SLC27A4: variants seen among roughly 807,000 people sequenced by gnomAD.
SLC27A4 encodes long-chain fatty acid transport protein 4.
In SLC27A4, 33 loss-of-function variants were observed where a neutral mutation model predicts 64.4. That is an observed-to-expected ratio of 0.51 (90% CI 0.39 to 0.68). The LOEUF is 0.68. Ranked by LOEUF, SLC27A4 falls within the 30% of genes least tolerant of loss-of-function variation. The pLI, the probability that SLC27A4 is intolerant of heterozygous loss-of-function variation, is 0.00. For missense variants in SLC27A4, 824 were observed against 883.5 expected (o/e 0.93, Z 0.85); for synonymous variants, 377 against 370.0 (o/e 1.02, Z -0.22).
chr9:128,341,989 G>T (rs903295419), intron 1 of SLC27A4, among the ~76,000 whole-genome samples: 1 of 151,924 alleles, frequency 6.6e-6, no homozygotes, highest in African/African-American at 2.4e-5. Context: ...CGCCTGCCTC[G>T]GCCTCCCAAA....
intron 3 of SLC27A4, among the ~76,000 whole-genome samples, chr9:128,346,878 A>T (rs1832665249): frequency 6.6e-6 from 1 of 151,818 alleles, no homozygotes; most frequent in African/African-American, 2.4e-5. Context: ...GGTGGTGCGC[A>T]CCTGTAGTCC....
Position 128,355,183 on chromosome 9 carries a change from C to A in SLC27A4, c.1455C>A (p.Tyr485Ter), listed in dbSNP as rs748188422. ...TCTTCAAGAAGGGGGACCAGGCCTACCTTACTGGTGGGTCCCCAGCCCTTC... is the reference window on the plus strand; with the variant it reads ...TCTTCAAGAAGGGGGACCAGGCCTAACTTACTGGTGGGTCCCCAGCCCTTC... Reference protein sequence around the residue: ...KDVFKKGDQAYLTGDVLVMDE... With the variant: ...KDVFKKGDQA Residue 485 changes from tyrosine (Y) to a stop codon, truncating the protein, a stop_gained, in exon 10 of 13, where the codon TAC becomes TAA. Transcript: ENST00000300456. LOFTEE classifies it high-confidence loss of function. 1 of 1,613,596 alleles carries A rather than the reference C, an allele frequency of 6.2e-7. No individual in the cohort carries two copies. The highest frequency in any genetic ancestry group is 1.7e-5 in the Admixed American group (1 of 60,016).
chr9:128,343,840 T>G (rs1400893525), intron 2 of SLC27A4, among the ~76,000 whole-genome samples: 1 of 152,158 alleles, frequency 6.6e-6, no homozygotes, highest in Non-Finnish European at 1.5e-5. Context: ...CAGAGAGGAA[T>G]AAGGCAGACC....
intron 9 of SLC27A4, among the ~76,000 whole-genome samples, chr9:128,354,336 G>A (rs1202727433): frequency 1.3e-5 from 2 of 152,130 alleles, no homozygotes; most frequent in African/African-American, 4.8e-5. Flanking sequence ...CTGTGTCATG[G>A]GCGAGTATTC....
In SLC27A4 at chr9:128,353,456, G is replaced by T; in HGVS notation, c.1239G>T (p.Val413=). 1 of 1,614,148 alleles carries T rather than the reference G, an allele frequency of 6.2e-7. No individual in the cohort carries two copies. Among genetic ancestry groups the T allele is most frequent in the Non-Finnish European group, 8.5e-7 (1 of 1,180,040 alleles). Residue 413 remains valine, a synonymous_variant, in exon 9 of 13, where the codon GTG becomes GTT. Coordinates refer to ENST00000300456, the MANE Select transcript of SLC27A4 (RefSeq NM_005094.4). The surrounding 1 kb of genome is among the most constrained non-coding windows in gnomAD (Gnocchi z 4.9). ...CGFNSRILSF[V]YPIRLVRVNE... ...TCAATAGCCGCATCCTGTCCTTCGTGTACCCCATCCGGTTGGTACGTGTCA... is the reference window on the plus strand; with the variant it reads ...TCAATAGCCGCATCCTGTCCTTCGTTTACCCCATCCGGTTGGTACGTGTCA...
At chr9:128,359,218 G>T (rs1192440205) in intron 12 of SLC27A4, among the ~76,000 whole-genome samples, 2 of 152,186 alleles carry the variant, frequency 1.3e-5, no homozygotes, top group African/African-American at 4.8e-5. Flanking sequence ...GCCAGGCGTG[G>T]CAGCTCATGT....
intron 1 of SLC27A4, chr9:128,342,830 GA>G: frequency 3.9e-6 from 2 of 515,380 alleles, no homozygotes; most frequent in East Asian, 3.7e-5. Flanking sequence ...TCTAAAATGT[GA>G]AAAGGTCTTG....
At chr9:128,359,906 C>T (rs1053266383) in intron 12 of SLC27A4, among the ~76,000 whole-genome samples, 2 of 152,284 alleles carry the variant, frequency 1.3e-5, no homozygotes, top group South Asian at 2.1e-4. Flanking sequence ...CAAGCACGTC[C>T]GTGTTAGAAT....
At chr9:128,348,775 A>C in intron 4 of SLC27A4, 72 bp downstream of exon 4, 1 of 1,508,586 alleles carries the variant, frequency 6.6e-7, no homozygotes, top group South Asian at 1.1e-5. Context: ...TCAGTGCCAG[A>C]AGGAGGCTTT....
Position 128,355,400 on chromosome 9 carries a change from G to C in SLC27A4, c.1465G>C (p.Asp489His), listed in dbSNP as rs1444560411. ...TGCCTCATCCGGCCCCTCCCTAGGTGATGTGCTGGTGATGGACGAGCTGGG... is the reference window on the plus strand; with the variant it reads ...TGCCTCATCCGGCCCCTCCCTAGGTCATGTGCTGGTGATGGACGAGCTGGG... ...KKGDQAYLTG[D>H]VLVMDELGYL... Residue 489 changes from aspartate to histidine, a missense_variant and splice_region_variant, in exon 11 of 13, where the codon GAT becomes CAT. By Grantham distance (81) the Asp-to-His change is moderately conservative. Transcript: ENST00000300456. The C allele has an allele frequency of 6.2e-7, 1 of 1,613,652 alleles. No individual in the cohort carries two copies. The highest frequency in any genetic ancestry group is 8.5e-7 in the Non-Finnish European group (1 of 1,180,018).
intron 3 of SLC27A4, among the ~76,000 whole-genome samples, chr9:128,348,000 C>T (rs1832681932): frequency 6.6e-6 from 1 of 151,974 alleles, no homozygotes; most frequent in Non-Finnish European, 1.5e-5. Flanking sequence ...TGGGGCCAAG[C>T]CGACCAGCGC....
rs560423639 is a variant in SLC27A4 at position 128,352,642 on chromosome 9, C to T, written c.882C>T (p.Asn294=). ...GGGCCATCCCTCTGCCTCCAGGAAA[C>T]ATCGTGGGAATCGGCCAGTGCCTGC... The part of the protein sequence containing the change: ...DCLPLYHSAG[N]IVGIGQCLLH... Residue 294 remains asparagine, a synonymous_variant, in exon 7 of 13, where the codon AAC becomes AAT. Transcript: ENST00000300456. 7 of 1,613,618 alleles carry T rather than the reference C, an allele frequency of 4.3e-6. No individual in the cohort carries two copies. The highest frequency in any genetic ancestry group is 2.7e-5 in the African/African-American group (2 of 74,930).
At position 128,355,472 on chromosome 9, in the gene SLC27A4, G is replaced by A. The variant is rs751534131; in HGVS notation, c.1537G>A (p.Gly513Ser). 3.7e-6 allele frequency: 6 copies of A among 1,613,554 alleles called. No individual in the cohort carries two copies. The highest frequency in any genetic ancestry group is 5.1e-6 in the Non-Finnish European group (6 of 1,180,006). The change falls in exon 11 of 13, where the codon GGT (glycine) becomes AGT (serine). Residue 513 changes from glycine to serine, a missense_variant. Gly to Ser is a moderately conservative substitution (Grantham distance 56, BLOSUM62 0). Transcript: ENST00000300456. ...DRTGDTFRWK[G>S]ENVSTTEVEG... ...CACTGGGGACACGTTCCGCTGGAAA[G>A]GTGAGAACGTGTCCACCACCGAGGT...
chr9:128,346,230 T>G (rs1007020477), intron 3 of SLC27A4, among the ~76,000 whole-genome samples: 2 of 137,600 alleles, frequency 1.5e-5, no homozygotes, highest in African/African-American at 3.3e-5. Flanking sequence ...TTTTTTTTTG[T>G]TTTTTTTGTT....
chr9:128,350,636 C>A, intron 6 of SLC27A4, 61 bp downstream of exon 6: 1 of 1,274,064 alleles, frequency 7.8e-7, no homozygotes. Flanking sequence ...ACCCCACCCC[C>A]ATCAGGCAGT....
At chr9:128,347,519 G>A (rs1307610333) in intron 3 of SLC27A4, among the ~76,000 whole-genome samples, 1 of 151,756 alleles carries the variant, frequency 6.6e-6, no homozygotes, top group Non-Finnish European at 1.5e-5. Flanking sequence ...CTGAGCTCGA[G>A]AGTTAAAGAC....
At chr9:128,359,283 G>A (rs1278342410) in intron 12 of SLC27A4, among the ~76,000 whole-genome samples, 1 of 152,166 alleles carries the variant, frequency 6.6e-6, no homozygotes, top group Non-Finnish European at 1.5e-5. Context: ...GAGCCCAGGA[G>A]TTCAAGATCT....
At chr9:128,344,555 G>T (rs1336992976) in intron 2 of SLC27A4, among the ~76,000 whole-genome samples, 3 of 152,026 alleles carry the variant, frequency 2.0e-5, no homozygotes, top group Non-Finnish European at 4.4e-5. Flanking sequence ...GGCAGGAATG[G>T]GATGTTGCCA....
In SLC27A4 at chr9:128,361,056, C is replaced by T. The variant is rs527585577; in HGVS notation, c.*565C>T. The T allele has an allele frequency of 2.5e-5, 4 of 161,740 alleles. No individual in the cohort carries two copies. Among genetic ancestry groups the T allele is most frequent in the Admixed American group, 2.3e-4 (4 of 17,420 alleles). The allele number at this position is 161,740 out of a possible 1,614,324, so 10.0% of individuals were successfully genotyped here. A position where few individuals can be genotyped will look rare whatever the true frequency, so the allele number is the denominator to read the frequency against. On this transcript the variant is annotated 3_prime_UTR_variant, in exon 13 of 13. Transcript: ENST00000300456. ...CAGGACCACGCCCCTGGCCTCTCCCCACTCCCCCATCCTCCTCCCTGGGTG... is the reference window on the plus strand; with the variant it reads ...CAGGACCACGCCCCTGGCCTCTCCCTACTCCCCCATCCTCCTCCCTGGGTG...
Sources: allele counts gnomAD v4.1 joint callset (sites outside exome capture counted in the v4.1 genomes callset), GRCh38; gene constraint gnomAD v4.1.1; non-coding constraint Gnocchi (gnomAD v3.1); transcripts MANE v1.5; gene names NCBI Gene and HGNC (gene_info 2026-07-23, HGNC 2026-07-21).